ROBO2: variants seen among roughly 807,000 people sequenced by gnomAD.
The protein encoded by ROBO2 is roundabout homolog 2.
Under a neutral mutation model 160.8 loss-of-function variants are expected in ROBO2, and 53 were observed. The observed-to-expected ratio is 0.33, with a 90% CI of 0.26 to 0.41. The LOEUF (loss-of-function observed/expected upper bound fraction) is 0.41, where lower values mean the gene tolerates loss of function less well. ROBO2 is among the 10% of genes least tolerant of loss of function. The probability of loss-of-function intolerance (pLI) is 1.00; values close to 1 mark genes in which losing one functional copy is unlikely to be tolerated. For missense variants in ROBO2, 1,577 were observed against 1,722.4 expected, an observed-to-expected ratio of 0.92 and a Z score of 1.49; for synonymous variants, 664 against 611.7, an observed-to-expected ratio of 1.09 and a Z score of -1.26.
chr3:77,175,008 A>G (rs2080001228), intron 2 of ROBO2, among the ~76,000 whole-genome samples: 2 of 152,064 alleles, frequency 1.3e-5, no homozygotes, highest in South Asian at 4.1e-4. Flanking sequence ...CTCACTTCTA[A>G]TACCTGAGGC....
chr3:75,963,458 A>G (rs1948996261), intron 2 of ROBO2, among the ~76,000 whole-genome samples: 1 of 151,832 alleles, frequency 6.6e-6, no homozygotes, highest in African/African-American at 2.4e-5. Context: ...TTGCCTCCCA[A>G]AGTTCTGGGA....
intron 2 of ROBO2, among the ~76,000 whole-genome samples, chr3:76,021,592 G>C (rs933652229): frequency 6.6e-6 from 1 of 151,792 alleles, no homozygotes; most frequent in Non-Finnish European, 1.5e-5. Context: ...AATAAAGTGA[G>C]TCATACAAAT....
At chr3:76,702,596 A>G (rs1465427440) in intron 2 of ROBO2, among the ~76,000 whole-genome samples, 1 of 152,028 alleles carries the variant, frequency 6.6e-6, no homozygotes, top group Non-Finnish European at 1.5e-5. Flanking sequence ...AAGTGATTTA[A>G]AAATCCTGAA....
intron 1 of ROBO2, among the ~76,000 whole-genome samples, chr3:77,067,028 TCACACACACACACACACACA>T (rs144228628): frequency 2.2e-4 from 30 of 136,936 alleles, no homozygotes; most frequent in South Asian, 4.8e-4. Flanking sequence ...ACACACACAC[TCACACACACACACACACACA>T]CACACACACA....
intron 1 of ROBO2, among the ~76,000 whole-genome samples, chr3:77,047,511 C>T (rs1425703783): frequency 6.7e-6 from 1 of 148,530 alleles, no homozygotes; most frequent in African/African-American, 2.5e-5. Context: ...ATGGTGAAAC[C>T]CCCTCTCTAT....
intron 2 of ROBO2, among the ~76,000 whole-genome samples, chr3:76,033,518 G>A (rs1446629457): frequency 6.6e-6 from 1 of 152,084 alleles, no homozygotes; most frequent in Admixed American, 6.6e-5. Context: ...TTTTCTACAT[G>A]GCATCATGGT....
chr3:77,288,305 G>T (rs911729129), intron 2 of ROBO2, among the ~76,000 whole-genome samples: 2 of 152,170 alleles, frequency 1.3e-5, no homozygotes, highest in Non-Finnish European at 2.9e-5. Context: ...TTAACATAAG[G>T]CAAAAACATT....
At chr3:76,366,995 G>T (rs907914730) in intron 2 of ROBO2, among the ~76,000 whole-genome samples, 1 of 151,886 alleles carries the variant, frequency 6.6e-6, no homozygotes, top group African/African-American at 2.4e-5. Flanking sequence ...AAATTAGTGT[G>T]CACTCAATAT....
chr3:77,067,508 C>T (rs9873222), intron 1 of ROBO2, among the ~76,000 whole-genome samples: 6,654 of 152,120 alleles, frequency 0.044, 465 homozygotes, highest in African/African-American at 0.15. Flanking sequence ...AAATAAGCTG[C>T]GCTTGAATTG....
chr3:77,560,744 A>T (rs1032715272), intron 9 of ROBO2, among the ~76,000 whole-genome samples: 1 of 152,170 alleles, frequency 6.6e-6, no homozygotes, highest in African/African-American at 2.4e-5. Context: ...TCATACTTGT[A>T]TCTCCACACA....
intron 2 of ROBO2, among the ~76,000 whole-genome samples, chr3:76,842,576 A>C (rs1324988194): frequency 5.3e-5 from 8 of 152,210 alleles, no homozygotes; most frequent in Non-Finnish European, 1.2e-4. Context: ...TAAGCTTCAG[A>C]CATGTATGAT....
intron 8 of ROBO2, among the ~76,000 whole-genome samples, chr3:77,554,758 G>A (rs1191769062): frequency 6.6e-6 from 1 of 151,990 alleles, no homozygotes; most frequent in Non-Finnish European, 1.5e-5. Context: ...GCTTCTTAGG[G>A]ATGACCAAAG....
At chr3:77,627,147 T>C (rs981146689) in intron 23 of ROBO2, among the ~76,000 whole-genome samples, 1 of 152,176 alleles carries the variant, frequency 6.6e-6, no homozygotes, top group East Asian at 1.9e-4. Flanking sequence ...ATTGAACAGA[T>C]AAAAAGGGGA....
At chr3:77,220,258 C>T (rs1411159800) in intron 2 of ROBO2, among the ~76,000 whole-genome samples, 4 of 152,116 alleles carry the variant, frequency 2.6e-5, no homozygotes, top group East Asian at 1.9e-4. Flanking sequence ...GATCCGCCCA[C>T]CTTGGCCTCC....
intron 23 of ROBO2, among the ~76,000 whole-genome samples, chr3:77,623,291 C>T (rs2094938013): frequency 6.6e-6 from 1 of 152,154 alleles, no homozygotes; most frequent in Non-Finnish European, 1.5e-5. Flanking sequence ...CTCTGCATTT[C>T]ACTGGGTCTT....
chr3:76,394,119 C>T lies in ROBO2; in HGVS notation c.109+456517C>T, dbSNP rs544791657. The stretch of plus-strand genomic sequence containing the variant: ...TGTCTTTTAATTGTAGCATTTCGTC[C>T]ATTTACATTTAAAGTTAATATTGTT... On this transcript the variant is annotated intron_variant, in intron 2 of 26. Coordinates refer to the ROBO2 transcript ENST00000487694. Among the ~76,000 whole-genome samples, 79 of 152,200 alleles carry T rather than the reference C, an allele frequency of 5.2e-4. 1 individual carries two copies. Among genetic ancestry groups the T allele is most frequent in the Admixed American group, 3.1e-3 (47 of 15,268 alleles).
At chr3:76,592,492 A>T (rs2086475047) in intron 2 of ROBO2, among the ~76,000 whole-genome samples, 1 of 152,124 alleles carries the variant, frequency 6.6e-6, no homozygotes. Flanking sequence ...ATGATTTTAG[A>T]GATCAAATGT....
At chr3:76,440,977 G>A (rs772871955) in intron 2 of ROBO2, among the ~76,000 whole-genome samples, 2 of 152,006 alleles carry the variant, frequency 1.3e-5, no homozygotes, top group African/African-American at 4.8e-5. Context: ...CTGAAAACAT[G>A]CTGAAAATAT....
At chr3:77,429,816 A>G (rs1401261769) in intron 2 of ROBO2, among the ~76,000 whole-genome samples, 1 of 151,854 alleles carries the variant, frequency 6.6e-6, no homozygotes, top group Non-Finnish European at 1.5e-5. Flanking sequence ...CTGCATGTTG[A>G]TACTTGTGGT....
Sources: gnomAD v4.1 joint callset for allele counts (sites outside exome capture counted in the v4.1 genomes callset) on GRCh38, gnomAD v4.1.1 for gene constraint, MANE v1.5 for transcripts, NCBI Gene and HGNC (gene_info 2026-07-23, HGNC 2026-07-21) for gene names.